The following GOLGA8R variants were observed in gnomAD, a reference collection of about 807,000 sequenced individuals.
The protein encoded by GOLGA8R is golgin A8 family member R.
A neutral mutation model predicts 21.4 loss-of-function variants in GOLGA8R; 6 were observed. The observed-to-expected ratio is 0.28, with a 90% CI of 0.15 to 0.55. The LOEUF is 0.55. GOLGA8R is among the 20% of genes least tolerant of loss of function. GOLGA8R has a pLI of 0.94. For synonymous variants in GOLGA8R, 8 were observed against 49.3 expected, an observed-to-expected ratio of 0.16 and a Z score of 3.51; for missense variants, 41 against 139.9, an observed-to-expected ratio of 0.29 and a Z score of 3.57.
chr15:30,407,691 G>A (rs1443722033), intron 11 of GOLGA8R, among the ~76,000 whole-genome samples, 160 bp from the exon 12 acceptor site: 1 of 152,376 alleles, frequency 6.6e-6, no homozygotes, highest in East Asian at 1.9e-4. Context: ...TTCAGAGAAA[G>A]AGCACTGCGG....
intron 11 of GOLGA8R, among the ~76,000 whole-genome samples, 186 bp downstream of exon 11, chr15:30,407,722 T>G (rs2059094643): frequency 6.6e-6 from 1 of 152,264 alleles, no homozygotes; most frequent in African/African-American, 2.4e-5. Flanking sequence ...ACGGGCCCTC[T>G]TTGCTGATGG....
intron 15 of GOLGA8R, among the ~76,000 whole-genome samples, 175 bp from the exon 16 acceptor site, chr15:30,404,707 GGCCTCTGGCT>G (rs1300872921): frequency 4.9e-5 from 6 of 123,064 alleles, no homozygotes; most frequent in African/African-American, 8.0e-5. Flanking sequence ...GGGGCTCCAG[GGCCTCTGGCT>G]GCCTCTGGCT....
At chr15:30,407,882 C>G (rs757089811) in intron 11 of GOLGA8R, 26 bp downstream of exon 11, 2 of 1,610,490 alleles carry the variant, frequency 1.2e-6, no homozygotes, top group Non-Finnish European at 1.7e-6. Context: ...CAGTCCTGCT[C>G]CCAGGTCATG....
chr15:30,412,627 A>AG (rs1365583174), intron 1 of GOLGA8R, 179 bp from the exon 2 acceptor site: 1 of 30,028 alleles, frequency 3.3e-5, no homozygotes, highest in African/African-American at 8.7e-5. Context: ...GGCTAGAAAA[A>AG]AAAAAGAAAA....
chr15:30,407,941 C>A lies in GOLGA8R; in HGVS notation c.838G>T (p.Glu280Ter). The change falls in exon 11 of 19, where the codon GAG becomes TAG. Residue 280 changes from glutamate to a stop codon, truncating the protein, a stop_gained. Transcript: ENST00000327271. LOFTEE classifies it high-confidence loss of function. ...KQDMRWVEQL[E>*]WSLSKLKNQT... ...TTTTTGAGTTTGGACAAGCTCCACT[C>A]CAGCTGCTCTACCCAACGCATATCC... 1 of 1,609,632 alleles carries A rather than the reference C, an allele frequency of 6.2e-7. No individual in the cohort carries two copies. Among genetic ancestry groups the A allele is most frequent in the Non-Finnish European group, 8.5e-7 (1 of 1,176,472 alleles).
rs746231644 is a variant in GOLGA8R, at chr15:30,408,011, G to T, written c.787-19C>A. The T allele has an allele frequency of 6.2e-7, 1 of 1,613,100 alleles. No individual in the cohort carries two copies. The highest frequency in any genetic ancestry group is 8.5e-7 in the Non-Finnish European group (1 of 1,179,416). On this transcript the variant is annotated intron_variant, in intron 10 of 18. Transcript: ENST00000327271. Reference sequence around the variant, plus strand: ...TGCAAATCTGCCCAAAGCACAGGGGGAAAGGGCCCTGGAGAGAGGGGCTGG... The same window carrying T: ...TGCAAATCTGCCCAAAGCACAGGGGTAAAGGGCCCTGGAGAGAGGGGCTGG...
At chr15:30,408,048 G>A (rs1227440901) in intron 10 of GOLGA8R, 56 bp from the exon 11 acceptor site, 1 of 1,598,544 alleles carries the variant, frequency 6.3e-7, no homozygotes, top group Non-Finnish European at 8.6e-7. Context: ...GGCTGGACAG[G>A]CTGCCCTCTC....
Position 30,402,732 on chromosome 15 carries a change from TC to T in GOLGA8R, c.*1007del, listed in dbSNP as rs1426278653. On this transcript the variant is annotated 3_prime_UTR_variant, in exon 19 of 19. Transcript: ENST00000327271. ...TGAACTCGTAAAGGATTTCTTATGATCTTCACTAAATACATTAAGAAGAATG... is the reference window on the plus strand; with the variant it reads ...TGAACTCGTAAAGGATTTCTTATGATTTCACTAAATACATTAAGAAGAATG... Among the ~76,000 whole-genome samples, 6 of 55,446 alleles carry T rather than the reference TC, an allele frequency of 1.1e-4. No homozygotes were observed. Among genetic ancestry groups the T allele is most frequent in the African/African-American group, 5.1e-4 (6 of 11,808 alleles). The allele number at this position is 55,446 out of a possible 152,430, so 36.4% of individuals were successfully genotyped here. A position where few individuals can be genotyped will look rare whatever the true frequency, so the allele number is the denominator to read the frequency against.
At position 30,408,308 on chromosome 15, in the gene GOLGA8R, G is replaced by T; in HGVS notation, c.679-13C>A. ...ATGACTCCTTCAACTGCAAGAATGG[G>T]CACAGAAGTTAGGAAGGGCTGTCAC... is the stretch of plus-strand genomic sequence containing the variant. On this transcript the variant is annotated splice_polypyrimidine_tract_variant and intron_variant, in intron 9 of 18. Coordinates refer to ENST00000327271, the MANE Select transcript of GOLGA8R (RefSeq NM_001282484.1). 2 of 670,336 alleles carry T rather than the reference G, an allele frequency of 3.0e-6. No homozygotes were observed. The highest frequency in any genetic ancestry group is 5.0e-6 in the Non-Finnish European group (2 of 402,980). The allele number at this position is 670,336 out of a possible 1,614,324, so 41.5% of individuals were successfully genotyped here. A position where few individuals can be genotyped will look rare whatever the true frequency, so the allele number is the denominator to read the frequency against.
chr15:30,408,035 G>C lies in GOLGA8R; in HGVS notation c.787-43C>G, dbSNP rs551300487. 16 of 1,612,128 alleles carry C rather than the reference G, an allele frequency of 9.9e-6. No individual in the cohort carries two copies. The East Asian group carries it at 1.3e-4, about 13-fold the overall frequency. ...GGAAAGGGCCCTGGAGAGAGGGGCT[G>C]GTGGCTGGACAGGCTGCCCTCTCCT... On this transcript the variant is annotated intron_variant, in intron 10 of 18. Coordinates refer to ENST00000327271, the MANE Select transcript of GOLGA8R (RefSeq NM_001282484.1).
At chr15:30,407,131 CCT>C (rs2059083910) in intron 12 of GOLGA8R, 112 bp from the exon 13 acceptor site, 44 of 257,594 alleles carry the variant, frequency 1.7e-4, no homozygotes, top group South Asian at 9.5e-4. Context: ...AAAATCACCC[CCT>C]CTCTCCCACA....
At chr15:30,407,733 GGACACTGA>G (rs1209537190) in intron 11 of GOLGA8R, among the ~76,000 whole-genome samples, 167 bp downstream of exon 11, 38 of 152,274 alleles carry the variant, frequency 2.5e-4, no homozygotes, top group African/African-American at 8.0e-4. Context: ...TTGCTGATGG[GGACACTGA>G]GACACTGAGA....
rs768609427 is a variant in GOLGA8R, at chr15:30,407,917, T to G, written c.862A>C (p.Asn288His). The G allele has an allele frequency of 2.5e-6, 4 of 1,610,948 alleles. No homozygotes were observed. In the South Asian group the frequency reaches 4.4e-5, roughly 18 times the overall value. ...QLEWSLSKLK[N>H]QTAEPLPPEP... ...GCCAGCCCCATCTTACCCGTCTGGT[T>G]TTTGAGTTTGGACAAGCTCCACTCC... Residue 288 changes from asparagine to histidine, a missense_variant, in exon 11 of 19, where the codon AAC (asparagine) becomes CAC (histidine). This residue lies in a region of GOLGA8R where 38 missense variants were observed against 32.6 expected (regional missense o/e 1.17). Coordinates refer to ENST00000327271, the MANE Select transcript of GOLGA8R (RefSeq NM_001282484.1).
rs879373177 is a variant in GOLGA8R at position 30,403,117 on chromosome 15, A to C, written c.*623T>G. Among the ~76,000 whole-genome samples, 2 of 121,384 alleles carry C rather than the reference A, an allele frequency of 1.6e-5. No homozygotes were observed. Among genetic ancestry groups the C allele is most frequent in the South Asian group, 6.3e-4 (2 of 3,192 alleles). 79.6% of individuals were successfully genotyped at this position (121,384 alleles called of 152,430 possible). On this transcript the variant is annotated 3_prime_UTR_variant, in exon 19 of 19. Coordinates refer to ENST00000327271, the MANE Select transcript of GOLGA8R (RefSeq NM_001282484.1). ...CACTTTCCTCTTCTGTGAGATTTAA[A>C]AAGCTCCCCCAAAAGGTTATCACTC...
chr15:30,404,208 A>ACCCCC, intron 17 of GOLGA8R, 44 bp downstream of exon 17: 21 of 1,248 alleles, frequency 0.017, 8 homozygotes, highest in Non-Finnish European at 0.019. Flanking sequence ...CCACCCTCAC[A>ACCCCC]CCCACCCCCA....
rs753430957 is a variant in GOLGA8R, at chr15:30,407,908, C to A, written c.871G>T (p.Ala291Ser). Residue 291 changes from alanine (A) to serine (S), a missense_variant and splice_region_variant, in exon 11 of 19, where the codon GCT (alanine) becomes TCT (serine). Physicochemically the swap from Ala to Ser is moderately conservative, Grantham distance 99. Transcript: ENST00000327271. ...CCAGGTCATGCCAGCCCCATCTTAC[C>A]CGTCTGGTTTTTGAGTTTGGACAAG... The part of the protein sequence containing the change: ...WSLSKLKNQT[A>S]EPLPPEPPAV... The A allele has an allele frequency of 2.5e-6, 4 of 1,611,876 alleles. No individual in the cohort carries two copies. The highest frequency in any genetic ancestry group is 3.4e-6 in the Non-Finnish European group (4 of 1,178,078).
At chr15:30,412,020 A>G in intron 2 of GOLGA8R, 1 of 92,326 alleles carries the variant, frequency 1.1e-5, no homozygotes, top group South Asian at 1.4e-4. Flanking sequence ...CCAGGTTCAC[A>G]CCATTCTCTT....
intron 2 of GOLGA8R, chr15:30,411,893 A>C: frequency 8.4e-6 from 1 of 119,730 alleles, no homozygotes; most frequent in Non-Finnish European, 1.5e-5. Flanking sequence ...CTAGCAGAGC[A>C]GATGGAGAGG....
chr15:30,404,206 A>AC, intron 17 of GOLGA8R, 46 bp downstream of exon 17: 12 of 4,320 alleles, frequency 2.8e-3, no homozygotes, highest in Admixed American at 4.5e-3. Context: ...GCCCACCCTC[A>AC]CACCCACCCC....
Sources: allele counts gnomAD v4.1 joint callset (sites outside exome capture counted in the v4.1 genomes callset), GRCh38; gene constraint gnomAD v4.1.1; regional missense constraint gnomAD v4.1.1; transcripts MANE v1.5; gene names NCBI Gene and HGNC (gene_info 2026-07-23, HGNC 2026-07-21).